The following DCAF6 variants were observed in gnomAD, a reference collection of about 807,000 sequenced individuals.
The protein encoded by DCAF6 is DDB1- and CUL4-associated factor 6.
DCAF6 carries 54 observed loss-of-function variants against 125.1 expected under a neutral mutation model. That is an observed-to-expected ratio of 0.43 (90% confidence interval 0.35 to 0.54). The LOEUF is 0.54. DCAF6 is among the 20% of genes least tolerant of loss of function. DCAF6 has a pLI of 0.01. For missense variants in DCAF6, 934 were observed against 1,161.7 expected (o/e 0.80, Z 2.85); for synonymous variants, 371 against 390.4 (o/e 0.95, Z 0.58).
chr1:167,893,067 T>C, the DCAF6 span, among the ~76,000 whole-genome samples: 26 of 152,306 alleles, frequency 1.7e-4, no homozygotes, highest in East Asian at 5.0e-3. Context: ...CATGGAATAA[T>C]AAATTTGAGA....
chr1:167,977,912 G>A lies in DCAF6; in HGVS notation c.438+2897G>A, dbSNP rs183143849. On this transcript the variant is annotated intron_variant, in intron 4 of 21. Coordinates refer to ENST00000367840, the MANE Select transcript of DCAF6 (RefSeq NM_001198956.2). ...GTATCCCAAAAGCTCCCTTTATTCT[G>A]AATTCTAACACTGGAGTTTTCTGTT... Among the ~76,000 whole-genome samples the A allele has an allele frequency of 2.8e-3, 423 of 152,188 alleles. 1 individual carries two copies. Among genetic ancestry groups the A allele is most frequent in the Non-Finnish European group, 4.6e-3 (310 of 67,984 alleles).
chr1:168,025,021 ATAAT>A (rs776597902), intron 12 of DCAF6, among the ~76,000 whole-genome samples: 6 of 152,162 alleles, frequency 3.9e-5, no homozygotes, highest in Non-Finnish European at 5.9e-5. Context: ...ACAATGAAGA[ATAAT>A]TAAGGCAAAA....
In DCAF6 at chr1:167,994,565, A is replaced by T. The variant is rs1681366402; in HGVS notation, c.903+1125A>T. 2.0e-5 allele frequency among the ~76,000 whole-genome samples: 3 copies of T among 152,334 alleles called. No homozygotes were observed. The East Asian group carries it at 5.8e-4, about 29-fold the overall frequency. ...GAAAAAGATAAGTTAAAGTAGTTGT[A>T]TATATTGAAAAGTAGGTGAATGAAT... On this transcript the variant is annotated intron_variant, in intron 7 of 21. Coordinates refer to ENST00000367840, the MANE Select transcript of DCAF6 (RefSeq NM_001198956.2).
chr1:168,040,151 G>A (rs1688340510), intron 13 of DCAF6, among the ~76,000 whole-genome samples: 1 of 152,008 alleles, frequency 6.6e-6, no homozygotes, highest in Non-Finnish European at 1.5e-5. Flanking sequence ...TGAAGAGTGA[G>A]AAGGAGTGAG....
chr1:167,969,412 A>C (rs1676959298), intron 3 of DCAF6, among the ~76,000 whole-genome samples: 1 of 152,212 alleles, frequency 6.6e-6, no homozygotes, highest in Non-Finnish European at 1.5e-5. Context: ...ATGAGTTCTA[A>C]TTAGGTTAGG....
In DCAF6 at chr1:168,072,294, TAAAAAAAAAAAAAAAA is replaced by T. The variant is rs59674650; in HGVS notation, c.2792-3061_2792-3046del. On this transcript the variant is annotated intron_variant, in intron 21 of 21. Coordinates refer to ENST00000367840, the MANE Select transcript of DCAF6 (RefSeq NM_001198956.2). ...CCTGGTGACAGAGGGAGAATCAGTCTAAAAAAAAAAAAAAAAAAAAAAAAAAAAAAAGAAAAGAAAA... is the reference window on the plus strand; with the variant it reads ...CCTGGTGACAGAGGGAGAATCAGTCTAAAAAAAAAAAAAAAGAAAAGAAAA... 2.8e-3 allele frequency among the ~76,000 whole-genome samples: 113 copies of T among 41,018 alleles called. 2 individuals carry two copies. Among genetic ancestry groups the T allele is most frequent in the African/African-American group, 7.8e-3 (95 of 12,238 alleles). The allele number at this position is 41,018 out of a possible 152,430, so 26.9% of individuals were successfully genotyped here.
chr1:167,987,563 T>C lies in DCAF6; in HGVS notation c.507T>C (p.Phe169=). The C allele has an allele frequency of 3.7e-6, 6 of 1,608,190 alleles. No individual in the cohort carries two copies. Among genetic ancestry groups the C allele is most frequent in the Non-Finnish European group, 4.3e-6 (5 of 1,175,962 alleles). ...SCGEDGTVRW[F]DTRIKTSCTK... is the part of the protein sequence containing the mutation. The stretch of plus-strand genomic sequence containing the variant: ...GTGAAGATGGAACTGTTAGGTGGTT[T>C]GATACACGCATCAAAACTAGCTGCA... Residue 169 remains phenylalanine (F), a synonymous_variant, in exon 5 of 22, where the codon TTT becomes TTC. Transcript: ENST00000367840.
At chr1:167,961,798 A>G (rs1284480711) in intron 2 of DCAF6, among the ~76,000 whole-genome samples, 1 of 152,194 alleles carries the variant, frequency 6.6e-6, no homozygotes, top group African/African-American at 2.4e-5. Context: ...AAAATTTGAA[A>G]CTTTTTGAGT....
chr1:167,967,747 A>C (rs1483731820), intron 3 of DCAF6, among the ~76,000 whole-genome samples: 2 of 116,754 alleles, frequency 1.7e-5, no homozygotes, highest in Admixed American at 1.0e-4. Context: ...TTTTGTGGCA[A>C]GGTCTCACTC....
At chr1:167,975,548 G>C (rs763338585) in intron 4 of DCAF6, among the ~76,000 whole-genome samples, 42 of 152,290 alleles carry the variant, frequency 2.8e-4, no homozygotes, top group Admixed American at 8.5e-4. Context: ...ATGTACAACT[G>C]AGTTCTCTTT....
chr1:167,902,525 GTTTA>G, the DCAF6 span, among the ~76,000 whole-genome samples: 4 of 152,204 alleles, frequency 2.6e-5, no homozygotes, highest in African/African-American at 9.6e-5. Context: ...TTTGTATTTT[GTTTA>G]TTTAGACGGT....
intron 1 of DCAF6, among the ~76,000 whole-genome samples, chr1:167,945,754 C>A (rs1306765161): frequency 6.6e-6 from 1 of 151,516 alleles, no homozygotes; most frequent in Non-Finnish European, 1.5e-5. Flanking sequence ...CCCACCTTGG[C>A]CTCCCAAAGT....
intron 17 of DCAF6, chr1:168,056,283 A>C: frequency 6.2e-7 from 1 of 1,610,210 alleles, no homozygotes; most frequent in Non-Finnish European, 8.5e-7. Flanking sequence ...CACCGAGAGC[A>C]GAGCGGGTCC....
chr1:167,948,835 A>G (rs1673483798), intron 1 of DCAF6, among the ~76,000 whole-genome samples: 1 of 152,056 alleles, frequency 6.6e-6, no homozygotes, highest in Non-Finnish European at 1.5e-5. Flanking sequence ...TATTTTTAGT[A>G]GAGATGGGGT....
intron 7 of DCAF6, among the ~76,000 whole-genome samples, chr1:168,001,945 G>A (rs1301841185): frequency 6.6e-6 from 1 of 152,172 alleles, no homozygotes; most frequent in African/African-American, 2.4e-5. Flanking sequence ...TGTTAAGAGG[G>A]CAAGAATGAG....
chr1:167,909,389 A>G, the DCAF6 span, among the ~76,000 whole-genome samples: 1 of 152,154 alleles, frequency 6.6e-6, no homozygotes, highest in Non-Finnish European at 1.5e-5. Context: ...TCTCCTGGGT[A>G]TATACACAGG....
At chr1:167,926,610 A>G in the DCAF6 span, among the ~76,000 whole-genome samples, 151 of 152,314 alleles carry the variant, frequency 9.9e-4, no homozygotes, top group African/African-American at 3.5e-3. Flanking sequence ...TGGTGCCCCA[A>G]CTGCTGCAGA....
the DCAF6 span, chr1:167,924,509 T>C: frequency 6.3e-7 from 1 of 1,588,432 alleles, no homozygotes; most frequent in Non-Finnish European, 8.6e-7. Flanking sequence ...ATTTCATAAT[T>C]GGAGCCCAGA....
chr1:168,031,939 C>T (rs1160236518), intron 12 of DCAF6, among the ~76,000 whole-genome samples: 1 of 152,192 alleles, frequency 6.6e-6, no homozygotes, highest in Non-Finnish European at 1.5e-5. Flanking sequence ...CAAATGGCTA[C>T]CACATTTCAA....
Sources: gnomAD v4.1 joint callset for allele counts (sites outside exome capture counted in the v4.1 genomes callset) on GRCh38, gnomAD v4.1.1 for gene constraint, MANE v1.5 for transcripts, NCBI Gene and HGNC (gene_info 2026-07-23, HGNC 2026-07-21) for gene names.